The following SIPA1L3 variants were observed in gnomAD, a reference collection of about 807,000 sequenced individuals.
SIPA1L3 encodes signal-induced proliferation-associated 1-like protein 3.
In SIPA1L3, 59 loss-of-function variants were observed where a neutral mutation model predicts 150.1. That is an observed-to-expected ratio of 0.39 (90% CI 0.32 to 0.49). SIPA1L3 has a LOEUF of 0.49. SIPA1L3 is among the 20% of genes least tolerant of loss of function. The pLI, the probability that SIPA1L3 is intolerant of heterozygous loss-of-function variation, is 0.86. For synonymous variants in SIPA1L3, 1,070 were observed against 1,077.6 expected (o/e 0.99, Z 0.14); for missense variants, 2,211 against 2,489.5 (o/e 0.89, Z 2.38).
intron 1 of SIPA1L3, chr19:37,964,788 G>A (rs1421835472): frequency 1.3e-5 from 2 of 152,110 alleles, no homozygotes; most frequent in African/African-American, 2.4e-5. Flanking sequence ...GTGAGCCACC[G>A]CGCCCGGCCA....
intron 19 of SIPA1L3, among the ~76,000 whole-genome samples, chr19:38,201,104 C>T (rs1228778032): frequency 6.6e-6 from 1 of 152,198 alleles, no homozygotes; most frequent in African/African-American, 2.4e-5. Flanking sequence ...ATGGTGCCGC[C>T]CTCAACACAC....
chr19:38,012,311 C>T (rs1968122341), intron 1 of SIPA1L3, among the ~76,000 whole-genome samples: 1 of 151,998 alleles, frequency 6.6e-6, no homozygotes, highest in Non-Finnish European at 1.5e-5. Flanking sequence ...ATTTCGAACT[C>T]CTGACCTCAA....
chr19:38,174,178 A>G (rs1021445926), intron 15 of SIPA1L3, among the ~76,000 whole-genome samples: 8 of 152,006 alleles, frequency 5.3e-5, no homozygotes, highest in Non-Finnish European at 1.0e-4. Flanking sequence ...CAGTGGCTTG[A>G]TTGGTATCTC....
intron 1 of SIPA1L3, among the ~76,000 whole-genome samples, chr19:37,993,091 G>A (rs1967553802): frequency 6.6e-6 from 1 of 152,192 alleles, no homozygotes; most frequent in South Asian, 2.1e-4. Flanking sequence ...TGAGGGCAAT[G>A]GAGGGTGGGC....
At chr19:38,067,633 G>A (rs1283678400) in intron 2 of SIPA1L3, among the ~76,000 whole-genome samples, 3 of 151,884 alleles carry the variant, frequency 2.0e-5, no homozygotes, top group African/African-American at 7.3e-5. Context: ...ATGGTGGTGC[G>A]AGCCTGTAAT....
At chr19:37,939,541 C>G (rs2046633897) in intron 1 of SIPA1L3, among the ~76,000 whole-genome samples, 1 of 152,140 alleles carries the variant, frequency 6.6e-6, no homozygotes, top group Admixed American at 6.5e-5. Context: ...GTGTTCTCAT[C>G]AGGGACCCAG....
intron 1 of SIPA1L3, among the ~76,000 whole-genome samples, chr19:37,971,209 G>C (rs1306544737): frequency 6.6e-6 from 1 of 151,854 alleles, no homozygotes; most frequent in Non-Finnish European, 1.5e-5. Context: ...TCAAACTCCT[G>C]GGTTCAAGTG....
intron 15 of SIPA1L3, among the ~76,000 whole-genome samples, chr19:38,175,964 T>C (rs1235395539): frequency 1.3e-5 from 2 of 152,060 alleles, no homozygotes; most frequent in Non-Finnish European, 2.9e-5. Context: ...TCCCAGCACT[T>C]TGGGAGGCCG....
At position 38,107,889 on chromosome 19, in the gene SIPA1L3, AT is replaced by A. The variant is rs201739785; in HGVS notation, c.2133+1251del. On this transcript the variant is annotated intron_variant, in intron 7 of 21. Coordinates refer to ENST00000222345, the MANE Select transcript of SIPA1L3 (RefSeq NM_015073.3). ...CTACTCAGGAAGCTGAGGCATGAGA[AT>A]TGCTTGAACCCAAGAGGCAGTGGTT... is the stretch of plus-strand genomic sequence containing the variant. Among the ~76,000 whole-genome samples the A allele has an allele frequency of 7.9e-3, 1,202 of 152,072 alleles. 14 individuals are homozygous for A. Among genetic ancestry groups the A allele is most frequent in the African/African-American group, 0.027 (1,132 of 41,484 alleles).
intron 15 of SIPA1L3, among the ~76,000 whole-genome samples, chr19:38,175,154 G>A (rs1178468816): frequency 2.0e-5 from 3 of 152,030 alleles, no homozygotes; most frequent in Non-Finnish European, 4.4e-5. Flanking sequence ...GAACATGGAG[G>A]TGGTGGTAGT....
Position 38,141,259 on chromosome 19 carries a change from G to T in SIPA1L3, c.3219G>T (p.Arg1073=), listed in dbSNP as rs564993756. Residue 1073 remains arginine, a synonymous_variant, in exon 11 of 22, where the codon CGG becomes CGT. Coordinates refer to ENST00000222345, the MANE Select transcript of SIPA1L3 (RefSeq NM_015073.3). ...TEQESITPGG[R]PPYRSNAPWQ... Reference sequence around the variant, plus strand: ...AGGAAAGCATCACTCCTGGGGGCCGGCCCCCCTACCGCAGCAATGCTCCCT... The same window carrying T: ...AGGAAAGCATCACTCCTGGGGGCCGTCCCCCCTACCGCAGCAATGCTCCCT... 3 of 1,613,480 alleles carry T rather than the reference G, an allele frequency of 1.9e-6. No individual in the cohort carries two copies. Among genetic ancestry groups the T allele is most frequent in the African/African-American group, 2.7e-5 (2 of 74,892 alleles).
intron 1 of SIPA1L3, among the ~76,000 whole-genome samples, chr19:37,954,117 T>G (rs1283657187): frequency 6.6e-6 from 1 of 152,198 alleles, no homozygotes; most frequent in East Asian, 1.9e-4. Flanking sequence ...TTGAGTAAAG[T>G]ACACAGAAGC....
intron 13 of SIPA1L3, among the ~76,000 whole-genome samples, chr19:38,156,322 TA>T (rs1971948174): frequency 6.6e-6 from 1 of 151,402 alleles, no homozygotes. Flanking sequence ...GCTATTTCAT[TA>T]CACACCAAAG....
intron 1 of SIPA1L3, among the ~76,000 whole-genome samples, chr19:37,985,460 C>T (rs1185458700): frequency 6.6e-6 from 1 of 151,812 alleles, no homozygotes; most frequent in Non-Finnish European, 1.5e-5. Context: ...GCCAGGAGTT[C>T]AAAACCAGCC....
intron 1 of SIPA1L3, among the ~76,000 whole-genome samples, chr19:37,983,735 G>A (rs1324874852): frequency 6.6e-6 from 1 of 151,718 alleles, no homozygotes; most frequent in East Asian, 1.9e-4. Flanking sequence ...GTGAAACCCC[G>A]TCTGTACAAA....
At chr19:38,190,167 C>G (rs1016858613) in intron 16 of SIPA1L3, among the ~76,000 whole-genome samples, 1 of 152,062 alleles carries the variant, frequency 6.6e-6, no homozygotes, top group Non-Finnish European at 1.5e-5. Flanking sequence ...CTTGGCACGC[C>G]CCTCTCGAGG....
At chr19:38,044,847 G>A (rs996246704) in intron 2 of SIPA1L3, among the ~76,000 whole-genome samples, 3 of 151,924 alleles carry the variant, frequency 2.0e-5, no homozygotes, top group Non-Finnish European at 2.9e-5. Context: ...ACATCTGGGC[G>A]CCCCCCAGAC....
chr19:38,057,467 A>G (rs1242536754), intron 2 of SIPA1L3, among the ~76,000 whole-genome samples: 1 of 151,934 alleles, frequency 6.6e-6, no homozygotes, highest in Non-Finnish European at 1.5e-5. Flanking sequence ...ATGCATCTGC[A>G]TAGCCTATAG....
chr19:38,103,118 G>A (rs969131639), intron 6 of SIPA1L3, among the ~76,000 whole-genome samples: 6 of 142,538 alleles, frequency 4.2e-5, no homozygotes, highest in Non-Finnish European at 9.0e-5. Flanking sequence ...GCAAGACTCC[G>A]TCTCAATCAA....
Sources: allele counts gnomAD v4.1 joint callset (sites outside exome capture counted in the v4.1 genomes callset), GRCh38; gene constraint gnomAD v4.1.1; transcripts MANE v1.5; gene names NCBI Gene and HGNC (gene_info 2026-07-23, HGNC 2026-07-21).